The following GRID2IP variants were observed in gnomAD, a reference collection of about 807,000 sequenced individuals.
The protein encoded by GRID2IP is delphilin.
Under a neutral mutation model 114.3 loss-of-function variants are expected in GRID2IP, and 78 were observed. The observed-to-expected ratio is 0.68, with a 90% CI of 0.57 to 0.82. GRID2IP has a LOEUF of 0.82. GRID2IP is among the 40% of genes least tolerant of loss of function. The probability of loss-of-function intolerance (pLI) is 0.00; values close to 1 mark genes in which losing one functional copy is unlikely to be tolerated. For missense variants in GRID2IP, 1,727 were observed against 1,678.5 expected, an observed-to-expected ratio of 1.03 and a Z score of -0.51; for synonymous variants, 809 against 724.0, an observed-to-expected ratio of 1.12 and a Z score of -1.89.
intron 1 of GRID2IP, among the ~76,000 whole-genome samples, chr7:6,549,765 G>A (rs1779941714): frequency 6.6e-6 from 1 of 150,902 alleles, no homozygotes; most frequent in Non-Finnish European, 1.5e-5. Context: ...GGCACCACAG[G>A]CGCGCGCCAC....
In GRID2IP at chr7:6,543,907, C is replaced by T. The variant is rs1009378219; in HGVS notation, c.430-4035G>A. On this transcript the variant is annotated intron_variant, in intron 1 of 21. Transcript: ENST00000457091. ...CACCTCCTGAGTTCAAGCAGTTCTC[C>T]TGACTCAGCCTCCCAAGTAGCTGGG... 3.3e-5 allele frequency among the ~76,000 whole-genome samples: 5 copies of T among 152,198 alleles called. No homozygotes were observed. The South Asian group carries it at 1.0e-3, about 32-fold the overall frequency.
At chr7:6,540,674 C>T (rs1779802878) in intron 1 of GRID2IP, among the ~76,000 whole-genome samples, 1 of 146,370 alleles carries the variant, frequency 6.8e-6, no homozygotes, top group Non-Finnish European at 1.5e-5. Context: ...GCACCTGTGA[C>T]CACACCTGGC....
At chr7:6,517,657 A>C (rs1779335080) in intron 7 of GRID2IP, among the ~76,000 whole-genome samples, 1 of 152,074 alleles carries the variant, frequency 6.6e-6, no homozygotes, top group Non-Finnish European at 1.5e-5. Context: ...TCATCCCAGC[A>C]CTTTGGCAGG....
chr7:6,540,402 G>A (rs1054191696), intron 1 of GRID2IP, among the ~76,000 whole-genome samples: 3 of 151,800 alleles, frequency 2.0e-5, no homozygotes, highest in Admixed American at 6.6e-5. Flanking sequence ...GTGAGCCACC[G>A]CGGCCGGCCA....
In GRID2IP at chr7:6,507,570, A is replaced by C. The variant is rs1030535823; in HGVS notation, c.2544+415T>G. On this transcript the variant is annotated intron_variant, in intron 13 of 21. Coordinates refer to ENST00000457091, the MANE Select transcript of GRID2IP (RefSeq NM_001145118.2). This position sits in a 1 kb window ranked among gnomAD's most constrained non-coding sequence, Gnocchi z 5.3. ...TGAGGAAAGGAAGACCTTGACAGGT[A>C]GTGAGTTCCCCACCACTGAAGGTGT... Among the ~76,000 whole-genome samples, 31 of 152,252 alleles carry C rather than the reference A, an allele frequency of 2.0e-4. No homozygotes were observed. Among genetic ancestry groups the C allele is most frequent in the African/African-American group, 7.5e-4 (31 of 41,468 alleles).
At position 6,539,709 on chromosome 7, in the gene GRID2IP, C is replaced by T. The variant is rs1025941476; in HGVS notation, c.584+9G>A. 1.9e-6 allele frequency: 3 copies of T among 1,542,622 alleles called. No individual in the cohort carries two copies. Among genetic ancestry groups the T allele is most frequent in the Non-Finnish European group, 1.8e-6 (2 of 1,142,814 alleles). On this transcript the variant is annotated intron_variant, in intron 2 of 21. Transcript: ENST00000457091. ...CCTGCCTGTCTATCCTGCCCCCTGC[C>T]CGCAGTACCTGAGGTTGTCCAGGAG...
chr7:6,546,884 G>C (rs1779897248), intron 1 of GRID2IP, among the ~76,000 whole-genome samples: 1 of 152,124 alleles, frequency 6.6e-6, no homozygotes, highest in South Asian at 2.1e-4. Flanking sequence ...GTCTGGGATA[G>C]ACCTTTGGCT....
At chr7:6,541,134 C>G (rs1779810716) in intron 1 of GRID2IP, among the ~76,000 whole-genome samples, 1 of 151,936 alleles carries the variant, frequency 6.6e-6, no homozygotes, top group African/African-American at 2.4e-5. Flanking sequence ...ATCCTTCCAC[C>G]ACGGCCTCCC....
At position 6,534,563 on chromosome 7, in the gene GRID2IP, C is replaced by T. The variant is rs920707964; in HGVS notation, c.584+5155G>A. On this transcript the variant is annotated intron_variant, in intron 2 of 21. Transcript: ENST00000457091. This position sits in a 1 kb window ranked among gnomAD's most constrained non-coding sequence, Gnocchi z 4.5. ...ACAGCAGCAGCGCTGTCCAAGGGAA[C>T]GTTCTGTGACGATGGACAAGGTCTA... Among the ~76,000 whole-genome samples the T allele has an allele frequency of 1.3e-5, 2 of 152,162 alleles. No individual in the cohort carries two copies. Among genetic ancestry groups the T allele is most frequent in the Non-Finnish European group, 2.9e-5 (2 of 68,044 alleles).
intron 13 of GRID2IP, 86 bp from the exon 14 acceptor site, chr7:6,505,993 T>A (rs190597413): frequency 5.8e-6 from 5 of 855,336 alleles, no homozygotes; most frequent in Non-Finnish European, 9.4e-6. Flanking sequence ...AGGGCTGCCA[T>A]AGGGGCTTCC....
At chr7:6,537,569 G>A (rs1309376113) in intron 2 of GRID2IP, among the ~76,000 whole-genome samples, 1 of 150,932 alleles carries the variant, frequency 6.6e-6, no homozygotes, top group Non-Finnish European at 1.5e-5. Context: ...AGTAGAGATG[G>A]GGGTTTCACT....
At position 6,521,331 on chromosome 7, in the gene GRID2IP, G is replaced by T; in HGVS notation, c.1084+98C>A. The T allele has an allele frequency of 1.2e-6, 1 of 817,048 alleles. No homozygotes were observed. The highest frequency in any genetic ancestry group is 2.0e-5 in the South Asian group (1 of 49,830). 50.6% of individuals were successfully genotyped at this position (817,048 alleles called of 1,614,324 possible). A position where few individuals can be genotyped will look rare whatever the true frequency, so the allele number is the denominator to read the frequency against. ...CCCGGGGAGGCAAGCTGCAGGTTTAGGGGAAGAGCTGAGTCCTCCGCACTG... is the reference window on the plus strand; with the variant it reads ...CCCGGGGAGGCAAGCTGCAGGTTTATGGGAAGAGCTGAGTCCTCCGCACTG... On this transcript the variant is annotated intron_variant, in intron 6 of 21. Transcript: ENST00000457091. The surrounding 1 kb of genome is among the most constrained non-coding windows in gnomAD (Gnocchi z 4.1).
chr7:6,543,018 G>A (rs897208535), intron 1 of GRID2IP, among the ~76,000 whole-genome samples: 4 of 152,064 alleles, frequency 2.6e-5, no homozygotes, highest in Non-Finnish European at 5.9e-5. Flanking sequence ...GTCAGGCCCC[G>A]CCTCTCTCAC....
At position 6,534,693 on chromosome 7, in the gene GRID2IP, C is replaced by A. The variant is rs1249014882; in HGVS notation, c.584+5025G>T. 3.7e-4 allele frequency among the ~76,000 whole-genome samples: 57 copies of A among 152,010 alleles called. No homozygotes were observed. Among genetic ancestry groups the A allele is most frequent in the Non-Finnish European group, 2.9e-5 (2 of 68,024 alleles). On this transcript the variant is annotated intron_variant, in intron 2 of 21. Coordinates refer to ENST00000457091, the MANE Select transcript of GRID2IP (RefSeq NM_001145118.2). This position sits in a 1 kb window ranked among gnomAD's most constrained non-coding sequence, Gnocchi z 4.5. Reference sequence around the variant, plus strand: ...TGAGAAGCTGAACTTTATATTTTATCAAATATTAATTACATTTAACTTTTT... The same window carrying A: ...TGAGAAGCTGAACTTTATATTTTATAAAATATTAATTACATTTAACTTTTT...
rs1416466547 is a variant in GRID2IP, at chr7:6,516,045, T to C, written c.1269-1516A>G. Among the ~76,000 whole-genome samples the C allele has an allele frequency of 6.6e-6, 1 of 151,906 alleles. No homozygotes were observed. The highest frequency in any genetic ancestry group is 2.4e-5 in the African/African-American group (1 of 41,428). On this transcript the variant is annotated intron_variant, in intron 7 of 21. Transcript: ENST00000457091. The surrounding 1 kb of genome is among the most constrained non-coding windows in gnomAD (Gnocchi z 4.3). The stretch of plus-strand genomic sequence containing the variant: ...CCGGGAGGTGGAGGTTGCAGTGAGC[T>C]GAGATCGCGCCATTGCACTCCAGCC...
chr7:6,539,414 A>C (rs1457509534), intron 2 of GRID2IP, among the ~76,000 whole-genome samples: 1 of 152,144 alleles, frequency 6.6e-6, no homozygotes. Flanking sequence ...GGCAGCAGCC[A>C]CCATGCCTGG....
chr7:6,537,534 C>T (rs907792344), intron 2 of GRID2IP, among the ~76,000 whole-genome samples: 28 of 151,042 alleles, frequency 1.9e-4, no homozygotes, highest in African/African-American at 5.6e-4. Context: ...CCCGCCACCA[C>T]AACCTGCTAA....
Position 6,510,648 on chromosome 7 carries a change from G to A in GRID2IP, c.1614C>T (p.Gly538=), listed in dbSNP as rs371668379. Residue 538 remains glycine, a synonymous_variant, in exon 10 of 22, where the codon GGC becomes GGT. Coordinates refer to ENST00000457091, the MANE Select transcript of GRID2IP (RefSeq NM_001145118.2). ...GGGTCTCAGGGAGGGACGTGCCGTCGCCTGCCTGGCGCTCGCCTGGGATCA... is the reference window on the plus strand; with the variant it reads ...GGGTCTCAGGGAGGGACGTGCCGTCACCTGCCTGGCGCTCGCCTGGGATCA... ...LPLIPGERQA[G]DGTSLPETPN... 3.8e-5 allele frequency: 59 copies of A among 1,537,184 alleles called. No individual in the cohort carries two copies. Among genetic ancestry groups the A allele is most frequent in the African/African-American group, 1.2e-4 (9 of 72,020 alleles).
intron 2 of GRID2IP, among the ~76,000 whole-genome samples, chr7:6,537,196 C>G (rs2115094276): frequency 6.6e-6 from 1 of 152,124 alleles, no homozygotes; most frequent in East Asian, 1.9e-4. Context: ...AGTCAGGAGA[C>G]TCCTGGGTCC....
Sources: gnomAD v4.1 joint callset for allele counts (sites outside exome capture counted in the v4.1 genomes callset) on GRCh38, gnomAD v4.1.1 for gene constraint, Gnocchi (gnomAD v3.1) non-coding constraint, MANE v1.5 for transcripts, NCBI Gene and HGNC (gene_info 2026-07-23, HGNC 2026-07-21) for gene names.